Variants in ANO7 observed in about 807,000 individuals in gnomAD.
ANO7 encodes the protein anoctamin-7.
In ANO7, 114 loss-of-function variants were observed where a neutral mutation model predicts 115.8. That is an observed-to-expected ratio of 0.98 (90% CI 0.85 to 1.15). ANO7 has a LOEUF of 1.15. ANO7 is among the 50% of genes most tolerant of loss of function. ANO7 has a pLI of 0.00. For synonymous variants in ANO7, 550 were observed against 498.2 expected, an observed-to-expected ratio of 1.10 and a Z score of -1.38; for missense variants, 1,302 against 1,201.2, an observed-to-expected ratio of 1.08 and a Z score of -1.24.
At chr2:241,230,356 C>T, downstream of ANO7, 1 of 858,908 alleles carries the variant, frequency 1.2e-6, no homozygotes, top group Non-Finnish European at 1.9e-6. The surrounding 1 kb of genome is among the most constrained non-coding windows in gnomAD (Gnocchi z 5.0). Context: ...GAAGCATTTT[C>T]TGAGTTAGCA....
rs767168337 is a variant in ANO7, at chr2:241,201,328, C to T, written c.585C>T (p.Phe195=). 1 of 1,613,386 alleles carries T rather than the reference C, an allele frequency of 6.2e-7. No individual in the cohort carries two copies. The highest frequency in any genetic ancestry group is 1.1e-5 in the South Asian group (1 of 90,922). Residue 195 remains phenylalanine (F), a synonymous_variant, in exon 7 of 25, where the codon TTC becomes TTT. Transcript: ENST00000674324. ...RFLGSDNQDT[F]FTSTKRHQIL... ...TCGGGAGTGACAACCAGGACACCTTCTTCACAAGCACCAAGAGGCACCAAA... is the reference window on the plus strand; with the variant it reads ...TCGGGAGTGACAACCAGGACACCTTTTTCACAAGCACCAAGAGGCACCAAA...
intron 4 of ANO7, chr2:241,199,052 C>T (rs1176561025): frequency 2.2e-6 from 1 of 457,318 alleles, no homozygotes; most frequent in Non-Finnish European, 4.1e-6. Context: ...GGGGAGGCTG[C>T]AGGTGACGCC....
At chr2:241,223,159 G>A (rs369226543) in intron 21 of ANO7, 27 bp from the exon 22 acceptor site, 55 of 1,604,434 alleles carry the variant, frequency 3.4e-5, no homozygotes, top group Admixed American at 5.0e-5. Flanking sequence ...CCCTGGCTGC[G>A]CGCACTGAGT....
At position 241,209,361 on chromosome 2, in the gene ANO7, A is replaced by G. The variant is rs772677511; in HGVS notation, c.1154A>G (p.Glu385Gly). 5 of 1,581,040 alleles carry G rather than the reference A, an allele frequency of 3.2e-6. No homozygotes were observed. In the African/African-American group the frequency reaches 5.4e-5, roughly 17 times the overall value. ...GCACTGTGGGCCGTGCTGCTGCTGG[A>G]GTACTGGAAGCGGAAGAGCGCCACG... ...FMALWAVLLLEYWKRKSATLA... is the reference protein window; with the variant it reads ...FMALWAVLLLGYWKRKSATLA... The change falls in exon 12 of 25, where the codon GAG (glutamate) becomes GGG (glycine). Residue 385 changes from glutamate (E) to glycine (G), a missense_variant. Coordinates refer to ENST00000674324, the MANE Select transcript of ANO7 (RefSeq NM_001370694.2).
At chr2:241,189,475 C>G (rs966718738) in intron 1 of ANO7, among the ~76,000 whole-genome samples, 1 of 152,132 alleles carries the variant, frequency 6.6e-6, no homozygotes, top group Non-Finnish European at 1.5e-5. Context: ...AGCCACGGCA[C>G]CTGTCCTCCC....
chr2:241,235,357 C>T, the ANO7 span: 251 of 1,551,244 alleles, frequency 1.6e-4, 1 homozygote, highest in East Asian at 4.6e-3. Context: ...GGCCACCCGC[C>T]GTGAAGGGAA....
chr2:241,240,036 C>G, the ANO7 span: 1 of 1,614,100 alleles, frequency 6.2e-7, no homozygotes, highest in Non-Finnish European at 8.5e-7. The surrounding 1 kb of genome is among the most constrained non-coding windows in gnomAD (Gnocchi z 5.5). Flanking sequence ...TGTCGCGCAC[C>G]TTGCGAATTT....
At chr2:241,196,008 C>T (rs1244195964) in intron 4 of ANO7, 163 bp downstream of exon 4, 3 of 1,500,954 alleles carry the variant, frequency 2.0e-6, no homozygotes, top group Non-Finnish European at 2.7e-6. Flanking sequence ...CTCCGTGTGG[C>T]TAGGGAGCTG....
chr2:241,233,215 A>G, the ANO7 span, among the ~76,000 whole-genome samples: 4 of 152,246 alleles, frequency 2.6e-5, no homozygotes, highest in East Asian at 7.7e-4. This position sits in a 1 kb window ranked among gnomAD's most constrained non-coding sequence, Gnocchi z 4.3. Context: ...AAGCCTGGGA[A>G]GTGTGTGCAA....
intron 10 of ANO7, among the ~76,000 whole-genome samples, chr2:241,207,057 C>T (rs1218895559): frequency 1.4e-5 from 2 of 138,382 alleles, no homozygotes; most frequent in Non-Finnish European, 3.1e-5. Context: ...CCCAGGCTGA[C>T]AGGTGGACAG....
intron 10 of ANO7, among the ~76,000 whole-genome samples, chr2:241,206,712 G>A (rs2149197985): frequency 2.9e-5 from 1 of 34,978 alleles, no homozygotes; most frequent in Admixed American, 2.9e-4. Context: ...TGACACAGGT[G>A]GACAGGAGTG....
chr2:241,224,093 C>G lies in ANO7; in HGVS notation c.2584-4C>G, dbSNP rs781713167. 1 of 1,614,136 alleles carries G rather than the reference C, an allele frequency of 6.2e-7. No homozygotes were observed. Among genetic ancestry groups the G allele is most frequent in the Non-Finnish European group, 8.5e-7 (1 of 1,180,024 alleles). On this transcript the variant is annotated splice_region_variant and splice_polypyrimidine_tract_variant and intron_variant, in intron 24 of 24. Transcript: ENST00000674324. ...CTTGTCCCTGCCCCCAACCCTCTCC[C>G]CAGCTCAGCTCCCACTGGACACCCT...
At chr2:241,197,995 T>C (rs2149136250) in intron 4 of ANO7, among the ~76,000 whole-genome samples, 1 of 152,322 alleles carries the variant, frequency 6.6e-6, no homozygotes, top group Non-Finnish European at 1.5e-5. Context: ...TGTTGTCTGT[T>C]CTGGACACTT....
intron 21 of ANO7, among the ~76,000 whole-genome samples, chr2:241,221,371 C>T (rs780865163): frequency 1.3e-5 from 2 of 150,986 alleles, no homozygotes; most frequent in Non-Finnish European, 2.9e-5. Flanking sequence ...CCACCTTTCA[C>T]GCCCGTCCTA....
chr2:241,210,199 G>A, intron 13 of ANO7, 96 bp from the exon 14 acceptor site: 3 of 1,205,944 alleles, frequency 2.5e-6, no homozygotes, highest in Non-Finnish European at 3.7e-6. Context: ...GCTGGGGCCA[G>A]CAGTGGACTA....
At chr2:241,236,793 C>T in the ANO7 span, 2 of 1,610,510 alleles carry the variant, frequency 1.2e-6, no homozygotes, top group Non-Finnish European at 8.5e-7. Context: ...GGAAAAGGGA[C>T]AGCTGACAGC....
In ANO7 at chr2:241,203,834, C is replaced by T. The variant is rs984553793; in HGVS notation, c.889+336C>T. The stretch of plus-strand genomic sequence containing the variant: ...CCAGGAACTTCCATCCTAGGGAGGT[C>T]GCCCCTGCCTGGGTCCAGGCCAAGC... On this transcript the variant is annotated intron_variant, in intron 9 of 24. Transcript: ENST00000674324. The surrounding 1 kb of genome is among the most constrained non-coding windows in gnomAD (Gnocchi z 4.8). Among the ~76,000 whole-genome samples, 2 of 151,984 alleles carry T rather than the reference C, an allele frequency of 1.3e-5. No individual in the cohort carries two copies. Among genetic ancestry groups the T allele is most frequent in the African/African-American group, 4.8e-5 (2 of 41,382 alleles).
intron 6 of ANO7, 147 bp from the exon 7 acceptor site, chr2:241,201,151 G>C (rs763384536): frequency 4.7e-5 from 39 of 837,324 alleles, no homozygotes; most frequent in Non-Finnish European, 5.5e-5. Context: ...GGCTGTGTCC[G>C]CAGGCCTGTG....
In ANO7 at chr2:241,212,571, G is replaced by A. The variant is rs1181934296; in HGVS notation, c.1674-1G>A. ...GGCTCATGATCTTGACTTTCTCCTAGGTTTGTGGGATACCCAGGCAACTAC... is the reference window on the plus strand; with the variant it reads ...GGCTCATGATCTTGACTTTCTCCTAAGTTTGTGGGATACCCAGGCAACTAC... On this transcript the variant is annotated splice_acceptor_variant, in intron 16 of 24. Coordinates refer to ENST00000674324, the MANE Select transcript of ANO7 (RefSeq NM_001370694.2). LOFTEE classifies it high-confidence loss of function. 4.3e-6 allele frequency: 7 copies of A among 1,612,962 alleles called. No homozygotes were observed. Among genetic ancestry groups the A allele is most frequent in the African/African-American group, 4.0e-5 (3 of 74,930 alleles).
Sources: allele counts gnomAD v4.1 joint callset (sites outside exome capture counted in the v4.1 genomes callset), GRCh38; gene constraint gnomAD v4.1.1; non-coding constraint Gnocchi (gnomAD v3.1); transcripts MANE v1.5; gene names NCBI Gene and HGNC (gene_info 2026-07-23, HGNC 2026-07-21).